Variants in STK32B observed in about 807,000 individuals in gnomAD.
STK32B encodes serine/threonine kinase 32B.
A neutral mutation model predicts 52.6 loss-of-function variants in STK32B; 43 were observed. The ratio of observed to expected loss-of-function variants is 0.82; its 90% CI spans 0.64 to 1.05. The LOEUF (loss-of-function observed/expected upper bound fraction) is 1.05. STK32B is among the 50% of genes least tolerant of loss of function. The pLI is 0.00. For missense variants in STK32B, 621 were observed against 534.6 expected (o/e 1.16, Z -1.59); for synonymous variants, 238 against 204.3 (o/e 1.17, Z -1.41).
intron 2 of STK32B, among the ~76,000 whole-genome samples, chr4:5,161,359 G>A (rs1718431025): frequency 2.0e-5 from 3 of 152,148 alleles, no homozygotes; most frequent in African/African-American, 7.2e-5. Context: ...ACAAAGAGGG[G>A]CTTATTTTTC....
chr4:5,304,773 G>T (rs59583355), intron 3 of STK32B, among the ~76,000 whole-genome samples: 19,373 of 151,722 alleles, frequency 0.13, 2,669 homozygotes, highest in African/African-American at 0.35. Flanking sequence ...TTATCGGGGA[G>T]GGGGGGTGCT....
At chr4:5,139,987 G>A in intron 2 of STK32B, 27 bp downstream of exon 2, 1 of 1,613,740 alleles carries the variant, frequency 6.2e-7, no homozygotes, top group Non-Finnish European at 8.5e-7. Flanking sequence ...CTGGACCACT[G>A]GGCTTAAGTA....
At chr4:5,358,574 GA>G (rs548869160) in intron 4 of STK32B, among the ~76,000 whole-genome samples, 67 of 150,226 alleles carry the variant, frequency 4.5e-4, no homozygotes, top group Admixed American at 8.0e-4. Flanking sequence ...CATTAAGATG[GA>G]AAAAAAAACC....
At chr4:5,360,073 A>G (rs1734446267) in intron 4 of STK32B, among the ~76,000 whole-genome samples, 1 of 152,176 alleles carries the variant, frequency 6.6e-6, no homozygotes, top group South Asian at 2.1e-4. Context: ...ACAGGTGATG[A>G]GAAGGCAAGG....
chr4:5,040,618 G>A, the STK32B span, among the ~76,000 whole-genome samples: 2 of 151,928 alleles, frequency 1.3e-5, no homozygotes, highest in Non-Finnish European at 2.9e-5. Flanking sequence ...GGTCTCAATC[G>A]CTTGACCTCG....
intron 4 of STK32B, among the ~76,000 whole-genome samples, chr4:5,342,952 C>CTT (rs891559568): frequency 2.0e-5 from 3 of 152,046 alleles, no homozygotes; most frequent in African/African-American, 7.2e-5. Flanking sequence ...ACCAAATATT[C>CTT]TTTTTTCTTT....
Position 5,378,637 on chromosome 4 carries a change from G to A in STK32B, c.435-19570G>A. Among the ~76,000 whole-genome samples, 1 of 152,072 alleles carries A rather than the reference G, an allele frequency of 6.6e-6. No individual in the cohort carries two copies. Among genetic ancestry groups the A allele is most frequent in the Non-Finnish European group, 1.5e-5 (1 of 67,980 alleles). On this transcript the variant is annotated intron_variant, in intron 4 of 11. Coordinates refer to ENST00000282908, the MANE Select transcript of STK32B (RefSeq NM_018401.3). This position sits in a 1 kb window ranked among gnomAD's most constrained non-coding sequence, Gnocchi z 4.4. ...ATTTTTATGGGTACATAGTAGGTGT[G>A]TATATGTATGGGGTACATGAGATGT...
chr4:5,480,160 A>G (rs557882700), intron 11 of STK32B, among the ~76,000 whole-genome samples: 117 of 152,344 alleles, frequency 7.7e-4, no homozygotes, highest in African/African-American at 2.6e-3. Context: ...GTGCCATTCA[A>G]TTAAGTATTG....
At chr4:5,368,548 A>T (rs1460821357) in intron 4 of STK32B, among the ~76,000 whole-genome samples, 1 of 152,224 alleles carries the variant, frequency 6.6e-6, no homozygotes, top group Non-Finnish European at 1.5e-5. Context: ...ATTCCTAATT[A>T]TAAATGAGAG....
intron 6 of STK32B, among the ~76,000 whole-genome samples, chr4:5,423,571 G>C (rs770372029): frequency 6.6e-6 from 1 of 152,178 alleles, no homozygotes; most frequent in Non-Finnish European, 1.5e-5. Context: ...TTTAGTGTAT[G>C]CTAAATACTG....
At chr4:5,285,417 C>T (rs187439672) in intron 3 of STK32B, among the ~76,000 whole-genome samples, 11 of 152,168 alleles carry the variant, frequency 7.2e-5, no homozygotes, top group Non-Finnish European at 1.6e-4. Context: ...ATTTTAAAAA[C>T]CTATGTGTAG....
chr4:5,298,155 A>G (rs1729325665), intron 3 of STK32B, among the ~76,000 whole-genome samples: 1 of 152,094 alleles, frequency 6.6e-6, no homozygotes, highest in African/African-American at 2.4e-5. Flanking sequence ...CTTCCCCTGG[A>G]AGCTTCCTCC....
chr4:5,055,934 C>A (rs1054141620), intron 1 of STK32B, among the ~76,000 whole-genome samples: 1 of 151,592 alleles, frequency 6.6e-6, no homozygotes, highest in Non-Finnish European at 1.5e-5. Flanking sequence ...TGGTTATTGT[C>A]TGTCTTTCTC....
chr4:5,036,699 G>T, the STK32B span, among the ~76,000 whole-genome samples: 2 of 113,632 alleles, frequency 1.8e-5, no homozygotes, highest in African/African-American at 3.5e-5. Context: ...ATGGAGTCTT[G>T]CTCTGTCATC....
At chr4:5,406,873 G>C (rs1427614094) in intron 5 of STK32B, among the ~76,000 whole-genome samples, 3 of 152,114 alleles carry the variant, frequency 2.0e-5, no homozygotes, top group Non-Finnish European at 4.4e-5. Context: ...CCATTGTCTT[G>C]GCTGTTAACA....
intron 6 of STK32B, among the ~76,000 whole-genome samples, chr4:5,438,713 T>A (rs868448319): frequency 9.2e-5 from 14 of 152,260 alleles, no homozygotes; most frequent in South Asian, 4.1e-4. Context: ...TAACTCGTCA[T>A]CTAGCATTGG....
chr4:5,450,522 C>G (rs1469772371), intron 7 of STK32B, among the ~76,000 whole-genome samples: 1 of 152,170 alleles, frequency 6.6e-6, no homozygotes, highest in Non-Finnish European at 1.5e-5. Flanking sequence ...TTATTTTCCC[C>G]TTACTCAGTC....
At chr4:5,054,577 T>G (rs1016551479) in intron 1 of STK32B, among the ~76,000 whole-genome samples, 1 of 152,146 alleles carries the variant, frequency 6.6e-6, no homozygotes, top group African/African-American at 2.4e-5. Context: ...GCACAAAAGA[T>G]GAACCCTGAA....
chr4:5,490,374 T>C (rs1719616691), intron 11 of STK32B, among the ~76,000 whole-genome samples: 1 of 152,086 alleles, frequency 6.6e-6, no homozygotes, highest in Non-Finnish European at 1.5e-5. Flanking sequence ...CCCAAAGTGC[T>C]GGGATTACAG....
Sources: gnomAD v4.1 joint callset for allele counts (sites outside exome capture counted in the v4.1 genomes callset) on GRCh38, gnomAD v4.1.1 for gene constraint, Gnocchi (gnomAD v3.1) non-coding constraint, MANE v1.5 for transcripts, NCBI Gene and HGNC (gene_info 2026-07-23, HGNC 2026-07-21) for gene names.